LMNTD1: variants seen among roughly 807,000 people sequenced by gnomAD.
LMNTD1 encodes lamin tail domain-containing protein 1.
A neutral mutation model predicts 50.9 loss-of-function variants in LMNTD1; 35 were observed. The ratio of observed to expected loss-of-function variants is 0.69; its 90% CI spans 0.53 to 0.91. The LOEUF (loss-of-function observed/expected upper bound fraction) is 0.91, where lower values mean the gene tolerates loss of function less well. Ranked by LOEUF, LMNTD1 falls within the 40% of genes least tolerant of loss-of-function variation. The probability of loss-of-function intolerance (pLI) is 0.00; values close to 1 mark genes in which losing one functional copy is unlikely to be tolerated. For missense variants in LMNTD1, 470 were observed against 475.5 expected, an observed-to-expected ratio of 0.99 and a Z score of 0.11; for synonymous variants, 153 against 161.9, an observed-to-expected ratio of 0.94 and a Z score of 0.42.
chr12:25,592,281 T>C (rs1391271566), intron 1 of LMNTD1, among the ~76,000 whole-genome samples: 1 of 152,146 alleles, frequency 6.6e-6, no homozygotes, highest in Non-Finnish European at 1.5e-5. Context: ...CATCGTGAAC[T>C]ATTGCTCCAG....
chr12:25,631,519 T>C (rs1946719024), intron 1 of LMNTD1, among the ~76,000 whole-genome samples: 3 of 151,928 alleles, frequency 2.0e-5, no homozygotes, highest in Admixed American at 2.0e-4. Context: ...CAGGTAGACT[T>C]GAGGGGTAGC....
intron 4 of LMNTD1, among the ~76,000 whole-genome samples, chr12:25,543,571 T>A (rs2136209232): frequency 6.6e-6 from 1 of 152,024 alleles, no homozygotes; most frequent in East Asian, 1.9e-4. Context: ...TATTTTTTGG[T>A]CTCAATTTCA....
intron 1 of LMNTD1, among the ~76,000 whole-genome samples, chr12:25,605,724 C>T (rs938377251): frequency 2.6e-5 from 4 of 152,138 alleles, no homozygotes; most frequent in African/African-American, 9.7e-5. Context: ...GTACCAGTAC[C>T]ATTCTGTTTT....
intron 1 of LMNTD1, among the ~76,000 whole-genome samples, chr12:25,617,409 G>A (rs1280791976): frequency 1.3e-5 from 2 of 152,160 alleles, no homozygotes; most frequent in Non-Finnish European, 2.9e-5. Flanking sequence ...GGTGTCTACT[G>A]TAGACAAGAG....
At chr12:25,548,724 GAGAAACAAACACCCT>G (rs1460627497) in intron 3 of LMNTD1, among the ~76,000 whole-genome samples, 1 of 151,900 alleles carries the variant, frequency 6.6e-6, no homozygotes, top group Non-Finnish European at 1.5e-5. Flanking sequence ...TAAACATGGT[GAGAAACAAACACCCT>G]AGAGCATGGG....
At chr12:25,627,672 A>G (rs543827893) in intron 1 of LMNTD1, among the ~76,000 whole-genome samples, 58 of 152,200 alleles carry the variant, frequency 3.8e-4, no homozygotes, top group Admixed American at 3.9e-4. Flanking sequence ...CACAGGACAC[A>G]TTATCCATAA....
At chr12:25,508,714 A>G (rs1399831345) in intron 8 of LMNTD1, among the ~76,000 whole-genome samples, 1 of 152,182 alleles carries the variant, frequency 6.6e-6, no homozygotes, top group Non-Finnish European at 1.5e-5. Context: ...TATTTCACGC[A>G]GACTTCTAGT....
chr12:25,528,637 T>C (rs982270553), intron 4 of LMNTD1, among the ~76,000 whole-genome samples: 1 of 152,142 alleles, frequency 6.6e-6, no homozygotes, highest in Non-Finnish European at 1.5e-5. Context: ...GAGAGAATAG[T>C]GTATTTCCCT....
At chr12:25,594,037 A>T (rs1394083355) in intron 1 of LMNTD1, among the ~76,000 whole-genome samples, 1 of 152,162 alleles carries the variant, frequency 6.6e-6, no homozygotes, top group Non-Finnish European at 1.5e-5. Context: ...AGAATAAGAA[A>T]ATATGAACAA....
At chr12:25,479,101 T>C in intron 9 of LMNTD1, among the ~76,000 whole-genome samples, 1 of 152,124 alleles carries the variant, frequency 6.6e-6, no homozygotes, top group East Asian at 1.9e-4. Flanking sequence ...CTCGAGTCAA[T>C]CACCCCAGCC....
chr12:25,621,906 T>C (rs1592113219), intron 1 of LMNTD1, among the ~76,000 whole-genome samples: 1 of 152,230 alleles, frequency 6.6e-6, no homozygotes, highest in Non-Finnish European at 1.5e-5. Context: ...AGAAAACTGA[T>C]GTGATTGCCT....
At chr12:25,564,553 G>A (rs1368285926) in intron 1 of LMNTD1, among the ~76,000 whole-genome samples, 6 of 152,088 alleles carry the variant, frequency 3.9e-5, no homozygotes, top group African/African-American at 9.7e-5. Context: ...CACCATGCCC[G>A]GCTTGATTTA....
intron 1 of LMNTD1, among the ~76,000 whole-genome samples, chr12:25,569,668 G>C (rs1389705055): frequency 6.6e-6 from 1 of 152,130 alleles, no homozygotes; most frequent in East Asian, 1.9e-4. Context: ...TCTCTTTGGT[G>C]ATAAGTTCTC....
chr12:25,628,060 A>T (rs1045851648), intron 1 of LMNTD1, among the ~76,000 whole-genome samples: 2 of 131,858 alleles, frequency 1.5e-5, no homozygotes, highest in Admixed American at 1.7e-4. Flanking sequence ...GTGAGTCGAG[A>T]TCGCGCCACT....
chr12:25,625,139 C>T lies in LMNTD1; in HGVS notation c.58+23355G>A, dbSNP rs796155906. Among the ~76,000 whole-genome samples, 15 of 152,254 alleles carry T rather than the reference C, an allele frequency of 9.9e-5. 1 individual carries two copies. The highest frequency in any genetic ancestry group is 6.8e-3 in the Middle Eastern group (2 of 294). ...AGGTCCTTTTCGTTTTCACCTACTC[C>T]TCATTTTTTCTTATCAACTGAGGAT... On this transcript the variant is annotated intron_variant, in intron 1 of 7. Transcript: ENST00000445693.
rs7958649 is a variant in LMNTD1 at position 25,537,139 on chromosome 12, G to C, written c.491+9235C>G. ...TGAGATCAAACTGCAAGGCAGCAGC[G>C]AGGCTGGGGGAGGGGCGCCCACCAT... On this transcript the variant is annotated intron_variant, in intron 4 of 9. Coordinates refer to ENST00000458174, the MANE Select transcript of LMNTD1 (RefSeq NM_001145728.2). 2.6e-3 allele frequency among the ~76,000 whole-genome samples: 391 copies of C among 152,300 alleles called. 2 individuals are homozygous for C. The highest frequency in any genetic ancestry group is 8.7e-3 in the African/African-American group (363 of 41,548).
chr12:25,488,918 G>GC (rs772313498), intron 9 of LMNTD1, among the ~76,000 whole-genome samples: 1 of 152,186 alleles, frequency 6.6e-6, no homozygotes, highest in Non-Finnish European at 1.5e-5. Context: ...CTGCTGGGGG[G>GC]TGCCTCCCAG....
In LMNTD1 at chr12:25,549,333, GT is replaced by G; in HGVS notation, c.302del (p.Asn101ThrfsTer19). On this transcript the variant is annotated frameshift_variant, in exon 3 of 10. Transcript: ENST00000458174. LOFTEE classifies it high-confidence loss of function. Reference sequence around the variant, plus strand: ...GTTCCATATTTTGCTTACCCAAGCTGTTTTCCACTCTGGAACAGCTACCTAC... The same window carrying G: ...GTTCCATATTTTGCTTACCCAAGCTGTTTCCACTCTGGAACAGCTACCTAC... ...ATVGSCSRVE[N>X]SLDASPFSVP... The G allele has an allele frequency of 1.2e-6, 2 of 1,602,392 alleles. No homozygotes were observed. The highest frequency in any genetic ancestry group is 1.7e-5 in the Admixed American group (1 of 59,052).
At chr12:25,640,519 T>A (rs1007257667) in intron 1 of LMNTD1, among the ~76,000 whole-genome samples, 1 of 147,740 alleles carries the variant, frequency 6.8e-6, no homozygotes, top group Non-Finnish European at 1.5e-5. Context: ...AAAAAAAAAA[T>A]CTAAAATTAT....
Sources: gnomAD v4.1 joint callset for allele counts (sites outside exome capture counted in the v4.1 genomes callset) on GRCh38, gnomAD v4.1.1 for gene constraint, MANE v1.5 for transcripts, NCBI Gene and HGNC (gene_info 2026-07-23, HGNC 2026-07-21) for gene names.